The following TRDN variants were observed in gnomAD, a reference collection of about 807,000 sequenced individuals.
TRDN encodes the protein triadin in skeletal muscle.
Under a neutral mutation model 149.7 loss-of-function variants are expected in TRDN, and 161 were observed. The ratio of observed to expected loss-of-function variants is 1.08; its 90% CI spans 0.95 to 1.23. The LOEUF is 1.23. Among genes scored for constraint, TRDN ranks in the 50% most tolerant of loss-of-function variants. The probability of loss-of-function intolerance (pLI) is 0.00; values close to 1 mark genes in which losing one functional copy is unlikely to be tolerated. For synonymous variants in TRDN, 294 were observed against 250.5 expected (o/e 1.17, Z -1.64); for missense variants, 896 against 823.5 (o/e 1.09, Z -1.08).
At chr6:123,500,700 C>G (rs1778660430) in intron 8 of TRDN, among the ~76,000 whole-genome samples, 1 of 152,030 alleles carries the variant, frequency 6.6e-6, no homozygotes, top group South Asian at 2.1e-4. Context: ...CAAATGATAC[C>G]TAGTTGGTGT....
chr6:123,558,903 G>T (rs981827317), intron 2 of TRDN, among the ~76,000 whole-genome samples: 2 of 152,202 alleles, frequency 1.3e-5, no homozygotes, highest in Admixed American at 1.3e-4. Flanking sequence ...CCTCCCCCAG[G>T]ACCTTGCCAC....
At chr6:123,555,233 G>T (rs1394504207) in intron 2 of TRDN, among the ~76,000 whole-genome samples, 1 of 152,072 alleles carries the variant, frequency 6.6e-6, no homozygotes, top group Admixed American at 6.6e-5. Flanking sequence ...ACTGATGTTA[G>T]AACTGCCGTT....
chr6:123,255,081 C>A lies in TRDN; in HGVS notation c.1951G>T (p.Ala651Ser). The part of the protein sequence containing the change: ...ESLQLHNVTK[A>S]EKPARVSKDV... ...TAGTAGTTACGTAATTCAAGATTAC[C>A]TTTTGTCACATTGTGTAATTGAAGA... Residue 651 changes from alanine to serine, a missense_variant and splice_region_variant, in exon 37 of 41, where the codon GCA becomes TCA. Coordinates refer to ENST00000334268, the MANE Select transcript of TRDN (RefSeq NM_006073.4). 7.3e-7 allele frequency: 1 copy of A among 1,377,240 alleles called. No individual in the cohort carries two copies. Among genetic ancestry groups the A allele is most frequent in the Non-Finnish European group, 9.9e-7 (1 of 1,007,572 alleles). The allele number at this position is 1,377,240 out of a possible 1,614,324, so 85.3% of individuals were successfully genotyped here.
chr6:123,346,193 A>G (rs1382992609), intron 21 of TRDN, among the ~76,000 whole-genome samples: 1 of 151,960 alleles, frequency 6.6e-6, no homozygotes, highest in Non-Finnish European at 1.5e-5. Flanking sequence ...CAAGTTTAAG[A>G]ATTTTCTGTC....
intron 9 of TRDN, among the ~76,000 whole-genome samples, chr6:123,483,262 C>T (rs1777842700): frequency 6.6e-6 from 1 of 151,642 alleles, no homozygotes. Flanking sequence ...GCCACCATGC[C>T]AGGCTAATTT....
chr6:123,539,563 A>C (rs949326759), intron 4 of TRDN, among the ~76,000 whole-genome samples: 1 of 152,218 alleles, frequency 6.6e-6, no homozygotes, highest in Non-Finnish European at 1.5e-5. Context: ...AGAAAGGGAA[A>C]CAATACCAAT....
chr6:123,393,996 T>C (rs1006494411), intron 12 of TRDN, among the ~76,000 whole-genome samples: 2 of 152,294 alleles, frequency 1.3e-5, no homozygotes, highest in African/African-American at 2.4e-5. Flanking sequence ...ATTTAAATTA[T>C]GTCTGTATTA....
intron 24 of TRDN, among the ~76,000 whole-genome samples, chr6:123,304,981 T>A (rs1778556426): frequency 6.6e-6 from 1 of 152,206 alleles, no homozygotes; most frequent in African/African-American, 2.4e-5. Flanking sequence ...TCTTATTTAA[T>A]TTCTCCAAAA....
At chr6:123,321,484 T>G (rs1352238048) in intron 23 of TRDN, among the ~76,000 whole-genome samples, 1 of 152,148 alleles carries the variant, frequency 6.6e-6, no homozygotes. Flanking sequence ...ATATTTGGAC[T>G]TTGATGAAAA....
At chr6:123,330,828 C>A (rs1021598811) in intron 23 of TRDN, among the ~76,000 whole-genome samples, 1 of 152,022 alleles carries the variant, frequency 6.6e-6, no homozygotes, top group African/African-American at 2.4e-5. Context: ...TCCTCTTACT[C>A]ATCTTTCTGT....
Position 123,266,404 on chromosome 6 carries a change from T to C in TRDN, c.1784-1066A>G, listed in dbSNP as rs1482691289. ...AATATATATATTATGATATGTATTA[T>C]ATATAATATATAGATTATGATATGT... On this transcript the variant is annotated intron_variant, in intron 32 of 40. Transcript: ENST00000334268. Among the ~76,000 whole-genome samples the C allele has an allele frequency of 1.9e-5, 2 of 105,918 alleles. 1 individual carries two copies. Among genetic ancestry groups the C allele is most frequent in the East Asian group, 5.1e-4 (2 of 3,916 alleles). 69.5% of individuals were successfully genotyped at this position (105,918 alleles called of 152,430 possible). A position where few individuals can be genotyped will look rare whatever the true frequency, so the allele number is the denominator to read the frequency against.
chr6:123,336,825 C>G (rs1031823918), intron 22 of TRDN, among the ~76,000 whole-genome samples: 2 of 150,730 alleles, frequency 1.3e-5, no homozygotes, highest in Non-Finnish European at 3.0e-5. Flanking sequence ...ATTACACACA[C>G]TTATATAATA....
At chr6:123,600,249 A>T (rs1378990699) in intron 1 of TRDN, among the ~76,000 whole-genome samples, 1 of 152,020 alleles carries the variant, frequency 6.6e-6, no homozygotes, top group Non-Finnish European at 1.5e-5. Flanking sequence ...AACCTGTATC[A>T]CCAGATCCTC....
At chr6:123,583,561 T>C (rs1361127024) in intron 1 of TRDN, among the ~76,000 whole-genome samples, 1 of 148,550 alleles carries the variant, frequency 6.7e-6, no homozygotes, top group Non-Finnish European at 1.5e-5. Context: ...GATATAAAGG[T>C]TTCACTGAAT....
chr6:123,343,249 GC>G (rs1173796765), intron 21 of TRDN, among the ~76,000 whole-genome samples: 2 of 151,620 alleles, frequency 1.3e-5, no homozygotes, highest in Admixed American at 1.3e-4. Context: ...ACACTTTTAT[GC>G]CCATTTATTT....
intron 20 of TRDN, among the ~76,000 whole-genome samples, chr6:123,358,973 T>C (rs960232912): frequency 6.6e-6 from 1 of 152,352 alleles, no homozygotes; most frequent in Admixed American, 6.5e-5. Context: ...GATAGAATGC[T>C]ATTATTTCCA....
intron 38 of TRDN, among the ~76,000 whole-genome samples, chr6:123,243,468 A>G (rs749383972): frequency 3.9e-5 from 6 of 152,182 alleles, no homozygotes; most frequent in Non-Finnish European, 8.8e-5. Context: ...AAAACAATCA[A>G]AATACTGATT....
At chr6:123,358,304 T>C (rs1325873685) in intron 20 of TRDN, among the ~76,000 whole-genome samples, 1 of 152,148 alleles carries the variant, frequency 6.6e-6, no homozygotes. Flanking sequence ...TTAGCTAAAC[T>C]GGGAGCTGGG....
chr6:123,331,997 GTCAGTAAGCTGAAAGTA>G lies in TRDN; in HGVS notation c.1421-85_1421-69del, dbSNP rs537998327. On this transcript the variant is annotated intron_variant, in intron 22 of 40. Coordinates refer to ENST00000334268, the MANE Select transcript of TRDN (RefSeq NM_006073.4). The stretch of plus-strand genomic sequence containing the variant: ...AGATTTTCAGATACCTATAAATGAA[GTCAGTAAGCTGAAAGTA>G]TCAGTAAGCTGAAAGTAAGTGGAAA... 4.6e-4 allele frequency: 565 copies of G among 1,221,818 alleles called. 8 individuals are homozygous for G. In the South Asian group the frequency reaches 7.4e-3, roughly 16 times the overall value. 75.7% of individuals were successfully genotyped at this position (1,221,818 alleles called of 1,614,324 possible). A position where few individuals can be genotyped will look rare whatever the true frequency, so the allele number is the denominator to read the frequency against.
Sources: allele counts gnomAD v4.1 joint callset (sites outside exome capture counted in the v4.1 genomes callset), GRCh38; gene constraint gnomAD v4.1.1; transcripts MANE v1.5; gene names NCBI Gene and HGNC (gene_info 2026-07-23, HGNC 2026-07-21).